TEX11: variants seen among roughly 807,000 people sequenced by gnomAD.
TEX11 encodes testis-expressed protein 11.
A neutral mutation model predicts 84.4 loss-of-function variants in TEX11; 7 were observed. The ratio of observed to expected loss-of-function variants is 0.08; its 90% CI spans 0.05 to 0.16. TEX11 has a LOEUF of 0.16. TEX11 is among the 10% of genes least tolerant of loss of function. The pLI is 1.00. For synonymous variants in TEX11, 264 were observed against 222.8 expected (o/e 1.18, Z -1.64); for missense variants, 551 against 660.5 (o/e 0.83, Z 1.82).
intron 2 of TEX11, among the ~76,000 whole-genome samples, chrX:70,900,830 G>A (rs1195994067): frequency 9.0e-6 from 1 of 110,821 alleles, no homozygotes; most frequent in Non-Finnish European, 1.9e-5. Flanking sequence ...TGCAGTCATA[G>A]CTACTCAGGA....
At chrX:70,818,474 T>C (rs2091301649) in intron 8 of TEX11, among the ~76,000 whole-genome samples, 1 of 110,498 alleles carries the variant, frequency 9.0e-6, no homozygotes, top group Non-Finnish European at 1.9e-5. Context: ...AGCTATGAGT[T>C]CCAAAGTGAA....
intron 5 of TEX11, among the ~76,000 whole-genome samples, chrX:70,860,520 AT>A (rs1457755370): frequency 2.7e-5 from 3 of 111,464 alleles, no homozygotes; most frequent in Non-Finnish European, 5.6e-5. Context: ...CAAATTTTTC[AT>A]TTGAAAAACT....
chrX:70,871,982 C>T (rs371908639), intron 4 of TEX11, among the ~76,000 whole-genome samples: 22 of 102,854 alleles, frequency 2.1e-4, no homozygotes, highest in African/African-American at 7.0e-4. Context: ...CACCCCTTGC[C>T]GTCCCTTAAA....
intron 7 of TEX11, among the ~76,000 whole-genome samples, chrX:70,843,970 G>T (rs946803234): frequency 9.0e-6 from 1 of 111,188 alleles, no homozygotes; most frequent in Non-Finnish European, 1.9e-5. Context: ...AACAGGTGCT[G>T]GAGAGGATGT....
At chrX:70,606,026 G>A (rs899694157) in intron 23 of TEX11, among the ~76,000 whole-genome samples, 9 of 111,877 alleles carry the variant, frequency 8.0e-5, no homozygotes, top group Non-Finnish European at 1.3e-4. Flanking sequence ...TAGGCCATTT[G>A]GATTCTTACA....
chrX:70,728,887 G>A (rs201971029), intron 11 of TEX11, among the ~76,000 whole-genome samples: 4,880 of 83,517 alleles, frequency 0.058, 138 homozygotes, highest in East Asian at 0.12. Flanking sequence ...CCTGACCCCC[G>A]AGTAGCCTAA....
At chrX:70,902,803 G>A (rs187892266) in intron 2 of TEX11, among the ~76,000 whole-genome samples, 437 of 111,944 alleles carry the variant, frequency 3.9e-3, no homozygotes, top group Admixed American at 6.1e-3. Flanking sequence ...ACCTCCCAAA[G>A]TACAAACTTT....
chrX:70,589,714 G>A (rs181918642), intron 25 of TEX11, among the ~76,000 whole-genome samples: 205 of 110,779 alleles, frequency 1.9e-3, no homozygotes, highest in African/African-American at 6.5e-3. Flanking sequence ...GTAGAGATGG[G>A]GTTTCGTCAT....
intron 28 of TEX11, among the ~76,000 whole-genome samples, chrX:70,541,077 C>A (rs1470317051): frequency 9.0e-6 from 1 of 110,690 alleles, no homozygotes; most frequent in East Asian, 2.8e-4. Context: ...GTGGTCCCAG[C>A]TACTCGGGGA....
At chrX:70,823,085 G>C (rs987716155) in intron 8 of TEX11, among the ~76,000 whole-genome samples, 7 of 110,993 alleles carry the variant, frequency 6.3e-5, no homozygotes, top group African/African-American at 2.3e-4. Context: ...AAAGGAAATT[G>C]TCTCATTTGA....
intron 9 of TEX11, among the ~76,000 whole-genome samples, chrX:70,770,083 C>G (rs1282479489): frequency 9.0e-6 from 1 of 111,242 alleles, no homozygotes; most frequent in Non-Finnish European, 1.9e-5. Flanking sequence ...AACAAATTTT[C>G]TGCCAGCTCT....
chrX:70,870,916 T>TG (rs991274976), intron 4 of TEX11, among the ~76,000 whole-genome samples: 5 of 110,943 alleles, frequency 4.5e-5, no homozygotes, highest in Non-Finnish European at 7.6e-5. Context: ...TCTGATTTTT[T>TG]GGGGGGAGGG....
intron 10 of TEX11, among the ~76,000 whole-genome samples, chrX:70,741,885 A>T (rs2090735947): frequency 9.0e-6 from 1 of 111,525 alleles, no homozygotes. Flanking sequence ...ACTTCAGGTC[A>T]GTACCACAAA....
At chrX:70,724,539 A>G (rs1488352126) in intron 12 of TEX11, among the ~76,000 whole-genome samples, 6 of 111,937 alleles carry the variant, frequency 5.4e-5, no homozygotes, top group East Asian at 2.8e-4. Flanking sequence ...CATGTACAAC[A>G]TTAAAAGAAT....
chrX:70,541,553 G>A (rs1031352133), intron 28 of TEX11, among the ~76,000 whole-genome samples: 17 of 111,628 alleles, frequency 1.5e-4, no homozygotes, highest in Admixed American at 7.6e-4. Context: ...CCAGAAGTTC[G>A]AGACCAGCCT....
At chrX:70,534,087 T>C in intron 28 of TEX11, among the ~76,000 whole-genome samples, 1 of 49,255 alleles carries the variant, frequency 2.0e-5, no homozygotes, top group Admixed American at 3.4e-4. Context: ...CGAGACTCCA[T>C]CTCAAAAAAA....
intron 25 of TEX11, among the ~76,000 whole-genome samples, chrX:70,564,036 C>A (rs2088415819): frequency 8.9e-6 from 1 of 112,110 alleles, no homozygotes; most frequent in Non-Finnish European, 1.9e-5. Context: ...CAAGACCAGC[C>A]TTGCCAACAT....
intron 9 of TEX11, among the ~76,000 whole-genome samples, chrX:70,805,963 T>C (rs2091216716): frequency 8.9e-6 from 1 of 111,807 alleles, no homozygotes; most frequent in African/African-American, 3.2e-5. Flanking sequence ...AATATATACT[T>C]ACTTGACTGA....
At chrX:70,654,642 C>T (rs1400063850) in intron 16 of TEX11, among the ~76,000 whole-genome samples, 2 of 90,166 alleles carry the variant, frequency 2.2e-5, no homozygotes, top group Non-Finnish European at 4.1e-5. Flanking sequence ...ACATGGGAGG[C>T]GGAGTTTGCA....
Sources: gnomAD v4.1 joint callset for allele counts (sites outside exome capture counted in the v4.1 genomes callset) on GRCh38, gnomAD v4.1.1 for gene constraint, MANE v1.5 for transcripts, NCBI Gene and HGNC (gene_info 2026-07-23, HGNC 2026-07-21) for gene names.